DLGAP2: variants seen among roughly 807,000 people sequenced by gnomAD.
DLGAP2 encodes DLG associated protein 2.
A neutral mutation model predicts 100.3 loss-of-function variants in DLGAP2; 26 were observed. That is an observed-to-expected ratio of 0.26 (90% CI 0.19 to 0.36). The LOEUF is 0.36. Among genes scored for constraint, DLGAP2 ranks in the 10% least tolerant of loss-of-function variants. DLGAP2 has a pLI of 1.00. For missense variants in DLGAP2, 1,858 were observed against 1,453.2 expected (o/e 1.28, Z -4.53); for synonymous variants, 886 against 630.1 (o/e 1.41, Z -6.08).
intron 1 of DLGAP2, among the ~76,000 whole-genome samples, chr8:876,422 T>G (rs887480466): frequency 6.6e-6 from 1 of 152,216 alleles, no homozygotes; most frequent in Non-Finnish European, 1.5e-5. Context: ...ATAGACAGTT[T>G]TGTTTTTCTT....
rs1052301556 is a variant in DLGAP2 at position 1,136,752 on chromosome 8, G to T, written c.74-122099G>T. Among the ~76,000 whole-genome samples, 9 of 152,350 alleles carry T rather than the reference G, an allele frequency of 5.9e-5. No homozygotes were observed. The East Asian group carries it at 1.7e-3, about 29-fold the overall frequency. On this transcript the variant is annotated intron_variant, in intron 2 of 14. Transcript: ENST00000637795. ...GCTCTTGAGGCTGGCAAACATGGAG[G>T]CCAGGGAGCAGGAGCACACGGGGCG...
intron 4 of DLGAP2, among the ~76,000 whole-genome samples, chr8:1,513,972 G>C (rs919104009): frequency 2.0e-5 from 3 of 152,222 alleles, no homozygotes; most frequent in African/African-American, 7.2e-5. Context: ...TGAACTGAAA[G>C]GTACCAGGAG....
intron 3 of DLGAP2, among the ~76,000 whole-genome samples, chr8:1,493,334 C>T (rs955025570): frequency 2.0e-5 from 3 of 151,914 alleles, no homozygotes; most frequent in African/African-American, 7.3e-5. Flanking sequence ...TTCAGACACG[C>T]CTCTGTGGAC....
chr8:1,380,995 T>G (rs1447210288), intron 3 of DLGAP2: 1 of 150,140 alleles, frequency 6.7e-6, no homozygotes, highest in African/African-American at 2.4e-5. Context: ...AGGTTATTCT[T>G]TACATTTGAT....
chr8:1,531,264 G>GTGTGTGTGTC (rs1180900436), intron 4 of DLGAP2, among the ~76,000 whole-genome samples: 1 of 151,966 alleles, frequency 6.6e-6, no homozygotes, highest in African/African-American at 2.4e-5. Context: ...GTGTGTGTGT[G>GTGTGTGTGTC]TGTGTGTGTT....
intron 1 of DLGAP2, among the ~76,000 whole-genome samples, chr8:741,890 G>C (rs1351827662): frequency 6.6e-6 from 1 of 152,220 alleles, no homozygotes; most frequent in Non-Finnish European, 1.5e-5. Flanking sequence ...AAAGGTGTAA[G>C]GCCTGCAGTT....
intron 2 of DLGAP2, among the ~76,000 whole-genome samples, chr8:1,187,099 G>A (rs59657814): frequency 1.3e-5 from 2 of 151,584 alleles, no homozygotes; most frequent in South Asian, 2.1e-4. Flanking sequence ...GCATCAATAC[G>A]TTCAAAGATG....
At chr8:1,449,493 C>G (rs139612906) in intron 3 of DLGAP2, among the ~76,000 whole-genome samples, 1 of 152,140 alleles carries the variant, frequency 6.6e-6, no homozygotes, top group Admixed American at 6.5e-5. Flanking sequence ...CGGGCATGGA[C>G]CTGGGATGTC....
At chr8:1,552,360 G>C (rs190437252) in intron 5 of DLGAP2, among the ~76,000 whole-genome samples, 34 of 152,262 alleles carry the variant, frequency 2.2e-4, no homozygotes, top group Admixed American at 2.0e-3. Flanking sequence ...CCACCTCTTC[G>C]GGGCATGCAG....
chr8:863,870 G>T (rs1797441243), intron 1 of DLGAP2, among the ~76,000 whole-genome samples: 1 of 152,170 alleles, frequency 6.6e-6, no homozygotes, highest in Non-Finnish European at 1.5e-5. Context: ...CAACCCCAAG[G>T]AAATGAGGTT....
At chr8:1,694,722 C>A (rs963325320) in intron 13 of DLGAP2, among the ~76,000 whole-genome samples, 1 of 152,050 alleles carries the variant, frequency 6.6e-6, no homozygotes. Flanking sequence ...CACGGGGCAC[C>A]GAAGTTCCTA....
chr8:982,883 A>ATTTTTTTT (rs35686773), intron 2 of DLGAP2, among the ~76,000 whole-genome samples: 1 of 117,336 alleles, frequency 8.5e-6, no homozygotes, highest in South Asian at 2.8e-4. Flanking sequence ...TAAAGGTAGG[A>ATTTTTTTT]TTTTTTTTTT....
chr8:1,298,569 G>A lies in DLGAP2; in HGVS notation c.106+39686G>A, dbSNP rs1208703251. On this transcript the variant is annotated intron_variant, in intron 3 of 14. Coordinates refer to ENST00000637795, the MANE Select transcript of DLGAP2 (RefSeq NM_001346810.2). ...TGGCAGTCGCTGAGCGTGGGGGACG[G>A]CTCAGTAGGTACCTCGGCCACAGTC... 2.6e-5 allele frequency among the ~76,000 whole-genome samples: 4 copies of A among 152,088 alleles called. No homozygotes were observed. In the South Asian group the frequency reaches 8.3e-4, roughly 31 times the overall value.
intron 3 of DLGAP2, among the ~76,000 whole-genome samples, chr8:1,365,830 G>T (rs555766730): frequency 3.3e-5 from 5 of 152,354 alleles, no homozygotes; most frequent in Admixed American, 3.3e-4. Context: ...GGCCCTGGGG[G>T]GCCGCAGCTC....
In DLGAP2 at chr8:1,314,352, G is replaced by A. The variant is rs547217644; in HGVS notation, c.106+55469G>A. ...TGCAGCCAACTGAAGTGATTTTGCC[G>A]TCGCACTGTTCACCTTGGAAGTGCA... On this transcript the variant is annotated intron_variant, in intron 3 of 14. Coordinates refer to ENST00000637795, the MANE Select transcript of DLGAP2 (RefSeq NM_001346810.2). Among the ~76,000 whole-genome samples, 8 of 152,274 alleles carry A rather than the reference G, an allele frequency of 5.3e-5. No homozygotes were observed. The South Asian group carries it at 1.7e-3, about 32-fold the overall frequency.
chr8:1,116,542 T>A (rs80327531), intron 2 of DLGAP2, among the ~76,000 whole-genome samples: 16,561 of 152,128 alleles, frequency 0.11, 1,028 homozygotes, highest in East Asian at 0.19. Context: ...GTAATTACAA[T>A]CCCTGCACTT....
At chr8:971,953 C>G (rs1430896741) in intron 2 of DLGAP2, among the ~76,000 whole-genome samples, 1 of 152,122 alleles carries the variant, frequency 6.6e-6, no homozygotes, top group Non-Finnish European at 1.5e-5. Flanking sequence ...TTCGGTGGCT[C>G]TTTTCCTTCA....
chr8:1,382,940 G>GAT, intron 3 of DLGAP2, among the ~76,000 whole-genome samples: 1 of 152,244 alleles, frequency 6.6e-6, no homozygotes, highest in East Asian at 1.9e-4. Context: ...TGTGTGTGTA[G>GAT]AGAGAGACCC....
chr8:1,220,549 C>A (rs1272464708), intron 2 of DLGAP2, among the ~76,000 whole-genome samples: 2 of 151,994 alleles, frequency 1.3e-5, no homozygotes, highest in Non-Finnish European at 2.9e-5. Flanking sequence ...GGAATATGTG[C>A]CGTGTGGAGA....
Sources: gnomAD v4.1 joint callset for allele counts (sites outside exome capture counted in the v4.1 genomes callset) on GRCh38, gnomAD v4.1.1 for gene constraint, MANE v1.5 for transcripts, NCBI Gene and HGNC (gene_info 2026-07-23, HGNC 2026-07-21) for gene names.